FLNB: variants seen among roughly 807,000 people sequenced by gnomAD.
FLNB encodes filamin-B.
FLNB carries 111 observed loss-of-function variants against 250.6 expected under a neutral mutation model. The ratio of observed to expected loss-of-function variants is 0.44; its 90% CI spans 0.38 to 0.52. The LOEUF (loss-of-function observed/expected upper bound fraction) is 0.52. Ranked by LOEUF, FLNB falls within the 20% of genes least tolerant of loss-of-function variation. FLNB has a pLI of 0.00. For missense variants in FLNB, 2,869 were observed against 3,447.8 expected (o/e 0.83, Z 4.20); for synonymous variants, 1,302 against 1,372.1 (o/e 0.95, Z 1.13).
chr3:58,119,129 G>A (rs1186854799), intron 19 of FLNB, 140 bp downstream of exon 19: 4 of 743,168 alleles, frequency 5.4e-6, no homozygotes, highest in Non-Finnish European at 9.8e-6. Context: ...ACTTTGGTTC[G>A]AATTAAGGCC....
At chr3:58,065,426 G>C (rs1222011186) in intron 1 of FLNB, among the ~76,000 whole-genome samples, 1 of 152,252 alleles carries the variant, frequency 6.6e-6, no homozygotes, top group Non-Finnish European at 1.5e-5. Flanking sequence ...TTTGATAACA[G>C]AGAGAAGTGA....
At chr3:58,042,402 C>T (rs181438131) in intron 1 of FLNB, among the ~76,000 whole-genome samples, 1 of 148,170 alleles carries the variant, frequency 6.7e-6, no homozygotes, top group Non-Finnish European at 1.5e-5. Flanking sequence ...GGCTAGGGTG[C>T]AGTGGCATGA....
At chr3:58,079,696 G>T (rs1576680437) in intron 3 of FLNB, among the ~76,000 whole-genome samples, 1 of 152,328 alleles carries the variant, frequency 6.6e-6, no homozygotes, top group African/African-American at 2.4e-5. Flanking sequence ...ATCTACAGTA[G>T]TCACATTGCT....
chr3:58,109,540 A>C (rs943076217), intron 14 of FLNB, 36 bp from the exon 15 acceptor site: 1 of 1,613,936 alleles, frequency 6.2e-7, no homozygotes, highest in African/African-American at 1.3e-5. Context: ...GTCCAAGTGG[A>C]GGAGAACTTG....
chr3:58,081,380 A>G (rs570256499), intron 3 of FLNB, among the ~76,000 whole-genome samples: 1 of 152,276 alleles, frequency 6.6e-6, no homozygotes. Context: ...GGGGAGGACA[A>G]TGAACTTTTG....
chr3:58,142,862 A>G lies in FLNB; in HGVS notation c.5284+110A>G. 1 of 902,486 alleles carries G rather than the reference A, an allele frequency of 1.1e-6. No individual in the cohort carries two copies. Among genetic ancestry groups the G allele is most frequent in the Non-Finnish European group, 1.8e-6 (1 of 555,202 alleles). 55.9% of individuals were successfully genotyped at this position (902,486 alleles called of 1,614,324 possible). A position where few individuals can be genotyped will look rare whatever the true frequency, so the allele number is the denominator to read the frequency against. ...CCCCCAGACCCAGGCTCCTTAACCC[A>G]GGGTCACGAGTTCTTGGTCTCCGGT... On this transcript the variant is annotated intron_variant, in intron 31 of 45. Transcript: ENST00000295956. This position sits in a 1 kb window ranked among gnomAD's most constrained non-coding sequence, Gnocchi z 4.3.
chr3:58,034,434 G>C (rs902395158), intron 1 of FLNB, among the ~76,000 whole-genome samples: 2 of 149,460 alleles, frequency 1.3e-5, no homozygotes, highest in African/African-American at 5.0e-5. Context: ...CGCCCTAGTC[G>C]CCCAGGCTGG....
Position 58,102,249 on chromosome 3 carries a change from C to CT in FLNB, c.1392_1393insT (p.Lys465Ter). The stretch of plus-strand genomic sequence containing the variant: ...GGGCCAGTGGCCGAGGCCTACAACC[C>CT]AAAGGCGTCCGTATCCGGGAGACCA... On this transcript the variant is annotated frameshift_variant, in exon 9 of 46. Coordinates refer to ENST00000295956, the MANE Select transcript of FLNB (RefSeq NM_001457.4). LOFTEE classifies it high-confidence loss of function. The CT allele has an allele frequency of 6.2e-7, 1 of 1,614,230 alleles. No individual in the cohort carries two copies. Among genetic ancestry groups the CT allele is most frequent in the Non-Finnish European group, 8.5e-7 (1 of 1,180,026 alleles).
At chr3:58,146,408 G>A (rs1463743698) in intron 33 of FLNB, among the ~76,000 whole-genome samples, 3 of 152,180 alleles carry the variant, frequency 2.0e-5, no homozygotes, top group Non-Finnish European at 4.4e-5. Flanking sequence ...GCCCATTCCC[G>A]TGGTATTCAT....
At chr3:58,015,930 G>A (rs570792862) in intron 1 of FLNB, among the ~76,000 whole-genome samples, 2 of 152,278 alleles carry the variant, frequency 1.3e-5, no homozygotes, top group East Asian at 1.9e-4. Context: ...AGGAGCAGAC[G>A]AGTGTGTCAG....
chr3:58,029,755 CG>C lies in FLNB; in HGVS notation c.292+20900del, dbSNP rs67741654. On this transcript the variant is annotated intron_variant, in intron 1 of 45. Coordinates refer to ENST00000295956, the MANE Select transcript of FLNB (RefSeq NM_001457.4). ...ACTGACCCCATGATCCCAACCCCCC[CG>C]ACCTCCCCGGCCTCCCAAAGTGCTG... Among the ~76,000 whole-genome samples the C allele has an allele frequency of 3.1e-3, 472 of 152,044 alleles. 3 individuals are homozygous for C. The highest frequency in any genetic ancestry group is 0.011 in the African/African-American group (440 of 41,448).
At chr3:58,023,061 G>A (rs145757177) in intron 1 of FLNB, among the ~76,000 whole-genome samples, 232 of 150,058 alleles carry the variant, frequency 1.5e-3, no homozygotes, top group African/African-American at 5.4e-3. Flanking sequence ...AGATCCACCT[G>A]CCTCGGCCTC....
chr3:58,130,863 A>G lies in FLNB; in HGVS notation c.4345A>G (p.Lys1449Glu). 1 of 1,613,128 alleles carries G rather than the reference A, an allele frequency of 6.2e-7. No individual in the cohort carries two copies. The highest frequency in any genetic ancestry group is 8.5e-7 in the Non-Finnish European group (1 of 1,179,780). ...GCAGTCCTTCACGGTGGACAGCAGC[A>G]AGGCTGGCCTGGCTCCGCTGGAAGT... The part of the protein sequence containing the change: ...VLQSFTVDSS[K>E]AGLAPLEVRV... The change falls in exon 25 of 46, where the codon AAG (lysine) becomes GAG (glutamate). Residue 1449 changes from lysine to glutamate, a missense_variant. Physicochemically the swap from Lys to Glu is moderately conservative, Grantham distance 56 (BLOSUM62 1). Coordinates refer to ENST00000295956, the MANE Select transcript of FLNB (RefSeq NM_001457.4).
chr3:58,045,404 G>A (rs538410109), intron 1 of FLNB, among the ~76,000 whole-genome samples: 8 of 152,256 alleles, frequency 5.3e-5, no homozygotes, highest in South Asian at 2.1e-4. Context: ...GGCAGCCCAG[G>A]ACAGCTCTGA....
At chr3:58,104,226 C>T in intron 10 of FLNB, 141 bp downstream of exon 10, 1 of 779,298 alleles carries the variant, frequency 1.3e-6, no homozygotes, top group South Asian at 1.9e-5. Context: ...CGGAGCAGCA[C>T]AGACATTTGG....
chr3:58,167,288 C>A (rs74637886), intron 43 of FLNB, among the ~76,000 whole-genome samples: 1 of 152,124 alleles, frequency 6.6e-6, no homozygotes, highest in East Asian at 1.9e-4. Context: ...AGATTAGATA[C>A]CATGATGAGG....
At chr3:58,109,961 G>A (rs770268884) in intron 15 of FLNB, 49 bp from the exon 16 acceptor site, 260 of 1,609,032 alleles carry the variant, frequency 1.6e-4, no homozygotes, top group Non-Finnish European at 8.5e-6. Flanking sequence ...AGATTGCACA[G>A]GACATGCTGT....
At position 58,072,415 on chromosome 3, in the gene FLNB, C is replaced by G. The variant is rs75025129; in HGVS notation, c.293-4631C>G. Among the ~76,000 whole-genome samples the G allele has an allele frequency of 2.1e-3, 314 of 152,288 alleles. 1 individual carries two copies. In the Middle Eastern group the frequency reaches 0.034, roughly 16 times the overall value. ...GGCTTCCGGCTCATCTGGCCTTTTCCTCCTCTTAAGGTTCTGCTCCATGTT... is the reference window on the plus strand; with the variant it reads ...GGCTTCCGGCTCATCTGGCCTTTTCGTCCTCTTAAGGTTCTGCTCCATGTT... On this transcript the variant is annotated intron_variant, in intron 1 of 45. Transcript: ENST00000295956.
Position 58,163,200 on chromosome 3 carries a change from C to A in FLNB, c.7068C>A (p.Thr2356=). Residue 2356 remains threonine, a synonymous_variant, in exon 43 of 46, where the codon ACC becomes ACA. Transcript: ENST00000295956. The part of the protein sequence containing the change: ...RFIPHENGVH[T]IDVKFNGSHV... Reference sequence around the variant, plus strand: ...TCCCTCATGAGAATGGTGTCCACACCATCGATGTCAAGTTCAATGGGAGCC... The same window carrying A: ...TCCCTCATGAGAATGGTGTCCACACAATCGATGTCAAGTTCAATGGGAGCC... 6.2e-7 allele frequency: 1 copy of A among 1,614,154 alleles called. No homozygotes were observed. The highest frequency in any genetic ancestry group is 8.5e-7 in the Non-Finnish European group (1 of 1,180,024).
Sources: gnomAD v4.1 joint callset for allele counts (sites outside exome capture counted in the v4.1 genomes callset) on GRCh38, gnomAD v4.1.1 for gene constraint, Gnocchi (gnomAD v3.1) non-coding constraint, MANE v1.5 for transcripts, NCBI Gene and HGNC (gene_info 2026-07-23, HGNC 2026-07-21) for gene names.